Variants in SH3D21 observed in about 807,000 individuals in gnomAD.
SH3D21 encodes the protein manchette microtubule inner protein 1, also known as SH3 domain-containing protein 21.
Under a neutral mutation model 82.1 loss-of-function variants are expected in SH3D21, and 83 were observed. The observed-to-expected ratio is 1.01, with a 90% CI of 0.85 to 1.21. The LOEUF is 1.21. Ranked by LOEUF, SH3D21 falls within the 50% of genes most tolerant of loss-of-function variation. The pLI, the probability that SH3D21 is intolerant of heterozygous loss-of-function variation, is 0.00. For missense variants in SH3D21, 980 were observed against 962.1 expected, an observed-to-expected ratio of 1.02 and a Z score of -0.25; for synonymous variants, 383 against 387.8, an observed-to-expected ratio of 0.99 and a Z score of 0.15.
In SH3D21 at chr1:36,306,949, G is replaced by A. The variant is rs1281054141; in HGVS notation, c.226+44G>A. 1.9e-5 allele frequency: 26 copies of A among 1,336,764 alleles called. No individual in the cohort carries two copies. The highest frequency in any genetic ancestry group is 2.4e-5 in the Non-Finnish European group (25 of 1,034,500). The allele number at this position is 1,336,764 out of a possible 1,614,324, so 82.8% of individuals were successfully genotyped here. On this transcript the variant is annotated intron_variant, in intron 3 of 15. Coordinates refer to ENST00000453908, the MANE Select transcript of SH3D21 (RefSeq NM_001162530.2). The surrounding 1 kb of genome is among the most constrained non-coding windows in gnomAD (Gnocchi z 4.5). ...ACGGGCGCCGGTGGGCGGGTGCACG[G>A]AGCCAGTGCGACCCCGGCGTCTCCG...
rs1026469159 is a variant in SH3D21, at chr1:36,306,993, G to A, written c.226+88G>A. The A allele has an allele frequency of 5.8e-6, 8 of 1,389,564 alleles. No homozygotes were observed. Among genetic ancestry groups the A allele is most frequent in the Non-Finnish European group, 7.5e-6 (8 of 1,066,190 alleles). 86.1% of individuals were successfully genotyped at this position (1,389,564 alleles called of 1,614,324 possible). A position where few individuals can be genotyped will look rare whatever the true frequency, so the allele number is the denominator to read the frequency against. ...GTCTCCGGCTCTTAGTGACGGGCGC[G>A]GCTCTGGGCGGGACCTCGGGGCCGC... is the stretch of plus-strand genomic sequence containing the variant. On this transcript the variant is annotated intron_variant, in intron 3 of 15. Coordinates refer to ENST00000453908, the MANE Select transcript of SH3D21 (RefSeq NM_001162530.2). This position sits in a 1 kb window ranked among gnomAD's most constrained non-coding sequence, Gnocchi z 4.5.
Position 36,307,248 on chromosome 1 carries a change from A to G in SH3D21, c.308A>G (p.Lys103Arg). 8 of 1,551,826 alleles carry G rather than the reference A, an allele frequency of 5.2e-6. No homozygotes were observed. Among genetic ancestry groups the G allele is most frequent in the Non-Finnish European group, 7.0e-6 (8 of 1,147,026 alleles). Residue 103 changes from lysine (K) to arginine (R), a missense_variant, in exon 4 of 16, where the codon AAG becomes AGG. Coordinates refer to ENST00000453908, the MANE Select transcript of SH3D21 (RefSeq NM_001162530.2). The surrounding 1 kb of genome is among the most constrained non-coding windows in gnomAD (Gnocchi z 5.4). ...SYSPEQADEL[K>R]LQAGEIVEMI... The stretch of plus-strand genomic sequence containing the variant: ...AGCCCAGAGCAGGCGGACGAGCTGA[A>G]GCTGCAAGCTGGGGAGATCGTGGAA...
chr1:36,317,910 C>CT (rs1646371817), intron 10 of SH3D21, among the ~76,000 whole-genome samples: 2 of 152,154 alleles, frequency 1.3e-5, no homozygotes, highest in African/African-American at 4.8e-5. Context: ...CTCTAACACA[C>CT]TATGTATTTT....
At chr1:36,322,195 G>T, downstream of SH3D21, 1 of 1,379,056 alleles carries the variant, frequency 7.3e-7, no homozygotes, top group South Asian at 1.5e-5. Flanking sequence ...AGTAGCACCT[G>T]GGAGCTGTGG....
intron 10 of SH3D21, among the ~76,000 whole-genome samples, chr1:36,312,541 CAT>C (rs1348957272): frequency 3.3e-5 from 5 of 152,212 alleles, no homozygotes; most frequent in African/African-American, 1.2e-4. Flanking sequence ...TGAAGACAGA[CAT>C]ATCATTTGTG....
In SH3D21 at chr1:36,320,524, G is replaced by A. The variant is rs1443445721; in HGVS notation, c.1861G>A (p.Gly621Arg). ...GAGAGAGGAGGTGCTCCCCAAAGAG[G>A]GAGTGGCTTCCAAAGAGGAGGTGAC... ...PLREEVLPKE[G>R]VASKEEVTLK... Residue 621 changes from glycine (G) to arginine (R), a missense_variant, in exon 14 of 16, where the codon GGA becomes AGA. Transcript: ENST00000453908. The A allele has an allele frequency of 6.2e-7, 1 of 1,614,138 alleles. No individual in the cohort carries two copies. The highest frequency in any genetic ancestry group is 2.2e-5 in the East Asian group (1 of 44,886).
At position 36,306,915 on chromosome 1, in the gene SH3D21, A is replaced by G. The variant is rs1168738075; in HGVS notation, c.226+10A>G. On this transcript the variant is annotated intron_variant, in intron 3 of 15. Transcript: ENST00000453908. The surrounding 1 kb of genome is among the most constrained non-coding windows in gnomAD (Gnocchi z 4.5). The stretch of plus-strand genomic sequence containing the variant: ...TGTGCGCGCCGCCGAGGTGAGCGCA[A>G]GGGCGGGGACGGGCGCCGGTGGGCG... 3.8e-6 allele frequency: 5 copies of G among 1,324,398 alleles called. No individual in the cohort carries two copies. Among genetic ancestry groups the G allele is most frequent in the Non-Finnish European group, 4.9e-6 (5 of 1,014,792 alleles). The allele number at this position is 1,324,398 out of a possible 1,614,324, so 82.0% of individuals were successfully genotyped here. A position where few individuals can be genotyped will look rare whatever the true frequency, so the allele number is the denominator to read the frequency against.
rs1470531764 is a variant in SH3D21, at chr1:36,307,755, A to T, written c.437-15A>T. The T allele has an allele frequency of 1.3e-6, 2 of 1,551,174 alleles. No homozygotes were observed. Among genetic ancestry groups the T allele is most frequent in the African/African-American group, 1.4e-5 (1 of 73,056 alleles). ...GTGAATTAGCACCCTCCCTAACCTC[A>T]CTGTCCCCCACTAGGCCTTGGTAAC... is the stretch of plus-strand genomic sequence containing the variant. On this transcript the variant is annotated splice_polypyrimidine_tract_variant and intron_variant, in intron 5 of 15. Transcript: ENST00000453908. The surrounding 1 kb of genome is among the most constrained non-coding windows in gnomAD (Gnocchi z 5.4).
Position 36,306,454 on chromosome 1 carries a change from C to G in SH3D21, c.4+30C>G. 2 of 1,305,406 alleles carry G rather than the reference C, an allele frequency of 1.5e-6. No individual in the cohort carries two copies. Among genetic ancestry groups the G allele is most frequent in the Non-Finnish European group, 2.0e-6 (2 of 988,956 alleles). The allele number at this position is 1,305,406 out of a possible 1,614,324, so 80.9% of individuals were successfully genotyped here. A position where few individuals can be genotyped will look rare whatever the true frequency, so the allele number is the denominator to read the frequency against. On this transcript the variant is annotated intron_variant, in intron 1 of 15. Transcript: ENST00000453908. This position sits in a 1 kb window ranked among gnomAD's most constrained non-coding sequence, Gnocchi z 4.5. ...GTGCGGAGGCTTTGAGGTGGCCTCTCTCTGCAACCGTGGACATAGCAAGAG... is the reference window on the plus strand; with the variant it reads ...GTGCGGAGGCTTTGAGGTGGCCTCTGTCTGCAACCGTGGACATAGCAAGAG...
At position 36,319,923 on chromosome 1, in the gene SH3D21, G is replaced by T. The variant is rs986492520; in HGVS notation, c.1260G>T (p.Val420=). The change falls in exon 14 of 16, where the codon GTG becomes GTT. Residue 420 remains valine, a synonymous_variant. Coordinates refer to ENST00000453908, the MANE Select transcript of SH3D21 (RefSeq NM_001162530.2). ...AAGTCCCCACCCCAGAGAAGATGGT[G>T]ACTCCGGAGGACAAGGCTTCTATCC... ...PDKVPTPEKM[V]TPEDKASIPE... The T allele has an allele frequency of 1.2e-5, 19 of 1,613,816 alleles. No homozygotes were observed. Among genetic ancestry groups the T allele is most frequent in the Admixed American group, 1.7e-5 (1 of 59,978 alleles).
At chr1:36,310,239 C>T (rs187574381) in intron 10 of SH3D21, among the ~76,000 whole-genome samples, 1 of 152,296 alleles carries the variant, frequency 6.6e-6, no homozygotes, top group Non-Finnish European at 1.5e-5. Context: ...CAAGCGTGAG[C>T]CACTGCGCCC....
rs1038584174 is a variant in SH3D21 at position 36,307,163 on chromosome 1, C to T, written c.227-4C>T. Reference sequence around the variant, plus strand: ...GGAGCTCAGCCGCGCTTGTCCGGTGCTAGGTCATCCTGCCAAACACCCGAG... The same window carrying T: ...GGAGCTCAGCCGCGCTTGTCCGGTGTTAGGTCATCCTGCCAAACACCCGAG... On this transcript the variant is annotated splice_region_variant and splice_polypyrimidine_tract_variant and intron_variant, in intron 3 of 15. Transcript: ENST00000453908. The surrounding 1 kb of genome is among the most constrained non-coding windows in gnomAD (Gnocchi z 5.4). 6.4e-7 allele frequency: 1 copy of T among 1,551,606 alleles called. No individual in the cohort carries two copies. Among genetic ancestry groups the T allele is most frequent in the African/African-American group, 1.4e-5 (1 of 73,186 alleles).
chr1:36,315,898 G>C (rs1646334296), intron 10 of SH3D21, among the ~76,000 whole-genome samples: 1 of 152,178 alleles, frequency 6.6e-6, no homozygotes, highest in African/African-American at 2.4e-5. Context: ...GATTTATGTT[G>C]CATTTCTTTT....
downstream of SH3D21, chr1:36,322,394 C>T: frequency 6.3e-7 from 1 of 1,598,232 alleles, no homozygotes; most frequent in Non-Finnish European, 8.5e-7. Context: ...GCCAGATCTC[C>T]CGCAGGATCC....
In SH3D21 at chr1:36,319,127, AAGCTAGCAAC is replaced by A. The variant is rs1646397222; in HGVS notation, c.830_839del (p.Leu277ProfsTer66). On this transcript the variant is annotated frameshift_variant, in exon 11 of 16. Coordinates refer to ENST00000453908, the MANE Select transcript of SH3D21 (RefSeq NM_001162530.2). LOFTEE classifies it high-confidence loss of function. ...CAAAACATCCCTCCCCACAGTCAAGAAGCTAGCAACAGCCACCACTGGGCCCAGCAAAGCC... is the reference window on the plus strand; with the variant it reads ...CAAAACATCCCTCCCCACAGTCAAGAAGCCACCACTGGGCCCAGCAAAGCC... 6.4e-7 allele frequency: 1 copy of A among 1,551,444 alleles called. No homozygotes were observed.
intron 10 of SH3D21, among the ~76,000 whole-genome samples, 173 bp from the exon 11 acceptor site, chr1:36,318,898 A>AAAT (rs58567392): frequency 0.068 from 9,537 of 140,266 alleles, 452 homozygotes; most frequent in African/African-American, 0.12. Context: ...ACTCCATCTC[A>AAAT]AATAATAATA....
intron 10 of SH3D21, among the ~76,000 whole-genome samples, chr1:36,314,659 G>T (rs1646308473): frequency 6.6e-6 from 1 of 151,878 alleles, no homozygotes; most frequent in African/African-American, 2.4e-5. Flanking sequence ...GTTTTGCCAT[G>T]TTTCCCAGGT....
At chr1:36,314,813 TTTTTTTG>T (rs2124686270) in intron 10 of SH3D21, among the ~76,000 whole-genome samples, 1 of 152,190 alleles carries the variant, frequency 6.6e-6, no homozygotes, top group Admixed American at 6.6e-5. Flanking sequence ...CATTTATCTA[TTTTTTTG>T]GTTGGCTGTG....
At chr1:36,322,289 G>A (rs960814629), downstream of SH3D21, 8 of 1,503,262 alleles carry the variant, frequency 5.3e-6, no homozygotes, top group African/African-American at 1.4e-5. Context: ...CGGGAGCCGG[G>A]GCCCATCAGT....
Sources: allele counts gnomAD v4.1 joint callset (sites outside exome capture counted in the v4.1 genomes callset), GRCh38; gene constraint gnomAD v4.1.1; non-coding constraint Gnocchi (gnomAD v3.1); transcripts MANE v1.5; gene names NCBI Gene and HGNC (gene_info 2026-07-23, HGNC 2026-07-21).